Variants in ANK2 observed in about 807,000 individuals in gnomAD.
ANK2 encodes the protein ankyrin-2.
In ANK2, 83 loss-of-function variants were observed where a neutral mutation model predicts 360.5. The observed-to-expected ratio is 0.23, with a 90% CI of 0.19 to 0.28. The LOEUF (loss-of-function observed/expected upper bound fraction) is 0.28. ANK2 is among the 10% of genes least tolerant of loss of function. ANK2 has a pLI of 1.00. For missense variants in ANK2, 4,201 were observed against 4,795.7 expected, an observed-to-expected ratio of 0.88 and a Z score of 3.66; for synonymous variants, 1,740 against 1,759.5, an observed-to-expected ratio of 0.99 and a Z score of 0.28.
intron 1 of ANK2, among the ~76,000 whole-genome samples, chr4:113,132,713 T>G (rs1237676026): frequency 6.6e-6 from 1 of 152,074 alleles, no homozygotes; most frequent in Non-Finnish European, 1.5e-5. Flanking sequence ...TGATATCACA[T>G]AGTTGCTTCA....
intron 4 of ANK2, among the ~76,000 whole-genome samples, chr4:113,211,777 T>C (rs1205951639): frequency 6.6e-6 from 1 of 152,176 alleles, no homozygotes; most frequent in East Asian, 1.9e-4. Flanking sequence ...GGCTAAATAC[T>C]CCATATGTTT....
intron 2 of ANK2, among the ~76,000 whole-genome samples, chr4:112,972,820 C>G (rs2040021601): frequency 6.6e-6 from 1 of 151,894 alleles, no homozygotes; most frequent in South Asian, 2.1e-4. Context: ...ATATATATAC[C>G]ATGGAATACT....
At chr4:112,810,144 TATATATATA>T in the ANK2 span, among the ~76,000 whole-genome samples, 1 of 23,506 alleles carries the variant, frequency 4.3e-5, no homozygotes, top group African/African-American at 3.5e-4. Flanking sequence ...TATATATATA[TATATATATA>T]TATATATTTT....
chr4:112,827,738 C>T, intron 1 of ANK2: 1 of 489,162 alleles, frequency 2.0e-6, no homozygotes, highest in African/African-American at 1.9e-5. Context: ...AATGGAAAAA[C>T]ATTTCATGCT....
chr4:113,173,934 A>T (rs565278620), intron 1 of ANK2: 1 of 187,696 alleles, frequency 5.3e-6, no homozygotes, highest in Non-Finnish European at 1.1e-5. Flanking sequence ...CAAGTGACCC[A>T]TACTCAGTGT....
chr4:112,735,057 A>G, the ANK2 span, among the ~76,000 whole-genome samples: 9 of 152,326 alleles, frequency 5.9e-5, no homozygotes, highest in Admixed American at 2.0e-4. Flanking sequence ...TGAAGAAATG[A>G]TACACACTGG....
chr4:112,920,874 A>G (rs915682193), intron 2 of ANK2, among the ~76,000 whole-genome samples: 1 of 152,162 alleles, frequency 6.6e-6, no homozygotes, highest in Non-Finnish European at 1.5e-5. Context: ...TGAATGCCAA[A>G]TAGAAAATAG....
chr4:112,901,615 C>T (rs2083381378), intron 1 of ANK2, among the ~76,000 whole-genome samples: 1 of 152,164 alleles, frequency 6.6e-6, no homozygotes, highest in Admixed American at 6.5e-5. Context: ...GTAATCCCAG[C>T]ATTTTGGGAG....
chr4:112,856,255 G>A (rs1466589429), intron 1 of ANK2, among the ~76,000 whole-genome samples: 1 of 152,124 alleles, frequency 6.6e-6, no homozygotes, highest in East Asian at 1.9e-4. Flanking sequence ...AAAAGTACAC[G>A]CTTGAGGAAG....
At chr4:113,042,333 A>T (rs1317407198) in intron 2 of ANK2, among the ~76,000 whole-genome samples, 1 of 152,044 alleles carries the variant, frequency 6.6e-6, no homozygotes, top group Non-Finnish European at 1.5e-5. Flanking sequence ...ATTACACCAC[A>T]AGCTTTCTTG....
the ANK2 span, among the ~76,000 whole-genome samples, chr4:112,758,493 C>G: frequency 1.3e-5 from 2 of 152,110 alleles, no homozygotes; most frequent in African/African-American, 2.4e-5. Flanking sequence ...TCACTGCAAC[C>G]TCCGCCTCCC....
chr4:113,171,756 C>T (rs1036248524), intron 1 of ANK2, among the ~76,000 whole-genome samples: 6 of 152,178 alleles, frequency 3.9e-5, no homozygotes, highest in African/African-American at 1.4e-4. Context: ...AAAGAGAAAA[C>T]CAGTTATGAA....
chr4:112,728,292 CAAAAAAA>C, the ANK2 span, among the ~76,000 whole-genome samples: 13 of 40,126 alleles, frequency 3.2e-4, no homozygotes, highest in South Asian at 4.8e-3. Flanking sequence ...GACTCTGTCT[CAAAAAAA>C]AAAAAAAAAA....
chr4:113,118,453 T>A (rs1233972448), intron 1 of ANK2, among the ~76,000 whole-genome samples: 1 of 152,204 alleles, frequency 6.6e-6, no homozygotes, highest in Non-Finnish European at 1.5e-5. Context: ...TGGGGGATGT[T>A]GTCTTTGCCT....
chr4:113,091,852 G>C (rs17045537), intron 1 of ANK2, among the ~76,000 whole-genome samples: 4 of 151,942 alleles, frequency 2.6e-5, no homozygotes, highest in African/African-American at 4.8e-5. Context: ...TTCAGTTTGC[G>C]CTCTCTCAGA....
At chr4:112,841,571 T>C (rs959430709) in intron 1 of ANK2, among the ~76,000 whole-genome samples, 1 of 152,236 alleles carries the variant, frequency 6.6e-6, no homozygotes, top group Non-Finnish European at 1.5e-5. Context: ...TGGTTCTCTC[T>C]TATTCTGTAG....
chr4:113,355,552 A>C lies in ANK2; in HGVS notation c.6934A>C (p.Thr2312Pro), dbSNP rs771983465. The C allele has an allele frequency of 1.2e-6, 2 of 1,614,026 alleles. No homozygotes were observed. Among genetic ancestry groups the C allele is most frequent in the Middle Eastern group, 1.6e-4 (1 of 6,062 alleles). Residue 2312 changes from threonine to proline, a missense_variant, in exon 38 of 46, where the codon ACT (threonine) becomes CCT (proline). Thr to Pro is a conservative substitution (Grantham distance 38). This residue lies in a region of ANK2 where 2,642 missense variants were observed against 2,714.5 expected (regional missense o/e 0.97). Coordinates refer to ENST00000357077, the MANE Select transcript of ANK2 (RefSeq NM_001148.6). ...TACTGAGAGTTTTCAGAAAGAGGCC[A>C]CTCTAGGCTCTCCCAAAGACACAAG... ...TSTESFQKEA[T>P]LGSPKDTSPK...
At position 113,177,226 on chromosome 4, in the gene ANK2, G is replaced by A. The variant is rs540848773; in HGVS notation, c.186+2709G>A. 2.6e-4 allele frequency among the ~76,000 whole-genome samples: 40 copies of A among 152,106 alleles called. No homozygotes were observed. In the South Asian group the frequency reaches 7.5e-3, roughly 28 times the overall value. ...CTCCCGAGTAGCTGGGACTACAGGC[G>A]CCCGCCACCACGCCCGGCTAATTTT... On this transcript the variant is annotated intron_variant, in intron 2 of 45. Coordinates refer to ENST00000357077, the MANE Select transcript of ANK2 (RefSeq NM_001148.6).
At chr4:113,360,345 T>A (rs899229880) in intron 38 of ANK2, among the ~76,000 whole-genome samples, 3 of 152,166 alleles carry the variant, frequency 2.0e-5, no homozygotes, top group African/African-American at 7.2e-5. Flanking sequence ...GATGGCCTGA[T>A]CAGCTCATGA....
Sources: gnomAD v4.1 joint callset for allele counts (sites outside exome capture counted in the v4.1 genomes callset) on GRCh38, gnomAD v4.1.1 for gene constraint, gnomAD v4.1.1 regional missense constraint, MANE v1.5 for transcripts, NCBI Gene and HGNC (gene_info 2026-07-23, HGNC 2026-07-21) for gene names.